Variants in ACAP2 observed in about 807,000 individuals in gnomAD.
The protein encoded by ACAP2 is ArfGAP with coiled-coil, ankyrin repeat and PH domains 2, also known as arf-GAP with coiled-coil, ANK repeat and PH domain-containing protein 2.
In ACAP2, 39 loss-of-function variants were observed where a neutral mutation model predicts 115.8. The ratio of observed to expected loss-of-function variants is 0.34; its 90% CI spans 0.26 to 0.44. ACAP2 has a LOEUF of 0.44. Among genes scored for constraint, ACAP2 ranks in the 20% least tolerant of loss-of-function variants. The probability of loss-of-function intolerance (pLI) is 1.00; values close to 1 mark genes in which losing one functional copy is unlikely to be tolerated. For missense variants in ACAP2, 662 were observed against 927.6 expected (o/e 0.71, Z 3.72); for synonymous variants, 289 against 315.8 (o/e 0.92, Z 0.90).
chr3:195,355,555 T>C (rs978003269), intron 4 of ACAP2, among the ~76,000 whole-genome samples: 1 of 152,328 alleles, frequency 6.6e-6, no homozygotes, highest in African/African-American at 2.4e-5. Flanking sequence ...ATCAAAAATG[T>C]CAGTTGACCA....
intron 6 of ACAP2, among the ~76,000 whole-genome samples, chr3:195,337,816 G>A (rs747551433): frequency 7.9e-5 from 12 of 151,792 alleles, no homozygotes; most frequent in Non-Finnish European, 1.0e-4. Flanking sequence ...TACCATGGCC[G>A]GCAAGGCCCA....
chr3:195,280,370 G>A (rs1726417331), intron 22 of ACAP2, among the ~76,000 whole-genome samples: 1 of 152,142 alleles, frequency 6.6e-6, no homozygotes, highest in African/African-American at 2.4e-5. Context: ...TACTCGGGAG[G>A]CTGAGGCAGG....
intron 3 of ACAP2, 140 bp from the exon 4 acceptor site, chr3:195,381,202 C>T: frequency 1.5e-6 from 1 of 648,860 alleles, no homozygotes; most frequent in South Asian, 2.0e-5. Context: ...CAATCTCACA[C>T]TACCTTATGG....
At chr3:195,368,931 A>G (rs1441946434) in intron 4 of ACAP2, among the ~76,000 whole-genome samples, 2 of 152,178 alleles carry the variant, frequency 1.3e-5, no homozygotes, top group Non-Finnish European at 2.9e-5. Context: ...TAAAAATACA[A>G]AAATTAGCTG....
intron 1 of ACAP2, among the ~76,000 whole-genome samples, chr3:195,417,756 T>C (rs1274535848): frequency 6.6e-6 from 1 of 152,118 alleles, no homozygotes; most frequent in East Asian, 1.9e-4. Flanking sequence ...AAGGCCAGCC[T>C]GGGCAACATA....
At chr3:195,349,784 A>G (rs551552299) in intron 4 of ACAP2, 107 of 320,416 alleles carry the variant, frequency 3.3e-4, no homozygotes, top group Admixed American at 8.5e-4. Context: ...CATGGCCCTC[A>G]GGCACTCAAA....
intron 10 of ACAP2, among the ~76,000 whole-genome samples, chr3:195,319,783 T>C (rs946026707): frequency 3.3e-5 from 5 of 152,144 alleles, no homozygotes; most frequent in African/African-American, 7.2e-5. Context: ...ACTTGGACTT[T>C]TGAGTTAATG....
chr3:195,437,241 C>T (rs1715615756), intron 1 of ACAP2, among the ~76,000 whole-genome samples: 1 of 151,604 alleles, frequency 6.6e-6, no homozygotes, highest in Non-Finnish European at 1.5e-5. Flanking sequence ...CAGGGTCTCA[C>T]TCTGTTGCCT....
intron 4 of ACAP2, among the ~76,000 whole-genome samples, chr3:195,374,795 A>C (rs1217968293): frequency 6.6e-6 from 1 of 151,874 alleles, no homozygotes; most frequent in Non-Finnish European, 1.5e-5. Context: ...GCTCACTACA[A>C]GCTCCGCCTC....
intron 1 of ACAP2, among the ~76,000 whole-genome samples, chr3:195,432,710 T>C (rs1246160830): frequency 6.6e-6 from 1 of 152,252 alleles, no homozygotes; most frequent in Non-Finnish European, 1.5e-5. Flanking sequence ...AGCTTGACAA[T>C]TTCTTCAAAG....
chr3:195,365,890 G>A (rs1358344573), intron 4 of ACAP2, among the ~76,000 whole-genome samples: 2 of 150,114 alleles, frequency 1.3e-5, no homozygotes, highest in Admixed American at 6.6e-5. Flanking sequence ...GCCTAAGCTG[G>A]AGTGTAGGTG....
intron 1 of ACAP2, among the ~76,000 whole-genome samples, chr3:195,413,702 T>C (rs899166971): frequency 3.3e-5 from 5 of 152,034 alleles, no homozygotes; most frequent in Non-Finnish European, 5.9e-5. Context: ...TGAGCCAAGA[T>C]CGCACCACTG....
intron 4 of ACAP2, among the ~76,000 whole-genome samples, chr3:195,348,848 T>C (rs555466551): frequency 1.3e-5 from 2 of 152,272 alleles, no homozygotes; most frequent in Admixed American, 6.5e-5. Context: ...GAAAAATCTG[T>C]ATCTAACATC....
At chr3:195,333,258 G>A (rs1730293986) in intron 7 of ACAP2, 135 bp from the exon 8 acceptor site, 1 of 394,922 alleles carries the variant, frequency 2.5e-6, no homozygotes, top group African/African-American at 2.2e-5. Context: ...CTGGCATGCA[G>A]TGGCATGGAC....
intron 1 of ACAP2, among the ~76,000 whole-genome samples, chr3:195,431,586 T>C (rs575181465): frequency 2.7e-5 from 4 of 150,524 alleles, no homozygotes; most frequent in African/African-American, 7.3e-5. Context: ...TACAGGTACA[T>C]GCGACCATGC....
intron 4 of ACAP2, among the ~76,000 whole-genome samples, chr3:195,375,339 T>C (rs905024570): frequency 3.3e-5 from 5 of 152,056 alleles, no homozygotes; most frequent in Non-Finnish European, 7.4e-5. Context: ...GGTGCCCTTA[T>C]CTCCCCATGA....
chr3:195,318,969 G>A (rs1729268097), intron 10 of ACAP2, among the ~76,000 whole-genome samples: 1 of 152,186 alleles, frequency 6.6e-6, no homozygotes, highest in Non-Finnish European at 1.5e-5. Flanking sequence ...AAATAGTATT[G>A]TGGGCCAGGG....
At chr3:195,411,361 T>C (rs1713247246) in intron 1 of ACAP2, among the ~76,000 whole-genome samples, 1 of 152,174 alleles carries the variant, frequency 6.6e-6, no homozygotes, top group Non-Finnish European at 1.5e-5. Context: ...TCACAATAGA[T>C]AAAACGTGAA....
chr3:195,378,083 G>C (rs75950026), intron 4 of ACAP2, among the ~76,000 whole-genome samples: 1 of 150,376 alleles, frequency 6.6e-6, no homozygotes, highest in Non-Finnish European at 1.5e-5. Flanking sequence ...AGGAAGGGAG[G>C]AAGGGAGGAG....
Sources: gnomAD v4.1 joint callset for allele counts (sites outside exome capture counted in the v4.1 genomes callset) on GRCh38, gnomAD v4.1.1 for gene constraint, MANE v1.5 for transcripts, NCBI Gene and HGNC (gene_info 2026-07-23, HGNC 2026-07-21) for gene names.